Variants in DLGAP1 observed in about 807,000 individuals in gnomAD.
DLGAP1 encodes the protein DLG associated protein 1.
In DLGAP1, 11 loss-of-function variants were observed where a neutral mutation model predicts 90.8. The ratio of observed to expected loss-of-function variants is 0.12; its 90% CI spans 0.08 to 0.20. The LOEUF (loss-of-function observed/expected upper bound fraction) is 0.20, where lower values mean the gene tolerates loss of function less well. DLGAP1 is among the 10% of genes least tolerant of loss of function. The pLI is 1.00. For synonymous variants in DLGAP1, 558 were observed against 540.7 expected (o/e 1.03, Z -0.44); for missense variants, 1,050 against 1,333.8 (o/e 0.79, Z 3.31).
intron 4 of DLGAP1, among the ~76,000 whole-genome samples, chr18:3,854,067 T>G (rs1427203429): frequency 6.6e-6 from 1 of 152,150 alleles, no homozygotes; most frequent in Non-Finnish European, 1.5e-5. Context: ...TCTTAGGTAT[T>G]TTACAAAATG....
At chr18:3,754,422 A>AT (rs559436338) in intron 5 of DLGAP1, among the ~76,000 whole-genome samples, 37 of 150,370 alleles carry the variant, frequency 2.5e-4, no homozygotes, top group Admixed American at 4.6e-4. Flanking sequence ...ATGTATTGAA[A>AT]TTTTTTTTTT....
chr18:4,451,464 T>G (rs1371701328), intron 1 of DLGAP1, among the ~76,000 whole-genome samples: 1 of 152,156 alleles, frequency 6.6e-6, no homozygotes, highest in Non-Finnish European at 1.5e-5. Context: ...CGGTTATCTG[T>G]GGGTGTCTAA....
At chr18:4,366,502 T>G (rs1409996620) in intron 1 of DLGAP1, among the ~76,000 whole-genome samples, 2 of 152,108 alleles carry the variant, frequency 1.3e-5, no homozygotes, top group Admixed American at 1.3e-4. Context: ...TATCATGATC[T>G]GTGGCCTTCC....
At chr18:4,410,077 G>T (rs768515963) in intron 1 of DLGAP1, among the ~76,000 whole-genome samples, 39 of 152,206 alleles carry the variant, frequency 2.6e-4, no homozygotes, top group Non-Finnish European at 4.1e-4. Context: ...AACATGGTAT[G>T]TTCTCACTGA....
intron 1 of DLGAP1, among the ~76,000 whole-genome samples, chr18:4,343,121 C>G (rs2143874244): frequency 6.6e-6 from 1 of 151,948 alleles, no homozygotes; most frequent in Non-Finnish European, 1.5e-5. Flanking sequence ...TCCTGTCTAA[C>G]ATGGTGAAAC....
intron 3 of DLGAP1, among the ~76,000 whole-genome samples, chr18:3,936,640 A>C (rs143753299): frequency 6.6e-6 from 1 of 152,364 alleles, no homozygotes; most frequent in African/African-American, 2.4e-5. Context: ...TGATTGATTC[A>C]TCACCTTTGC....
At chr18:4,112,933 A>G (rs889358338) in intron 2 of DLGAP1, among the ~76,000 whole-genome samples, 1 of 148,602 alleles carries the variant, frequency 6.7e-6, no homozygotes, top group African/African-American at 2.5e-5. Context: ...TGCAAAGGAC[A>G]TGATTTTATT....
chr18:4,217,031 A>G (rs747831159), intron 1 of DLGAP1, among the ~76,000 whole-genome samples: 5 of 152,042 alleles, frequency 3.3e-5, no homozygotes, highest in Non-Finnish European at 7.4e-5. Context: ...TGTTCCATAT[A>G]TCCGTCCGTC....
At chr18:4,133,436 A>C (rs1008796073) in intron 2 of DLGAP1, among the ~76,000 whole-genome samples, 3 of 152,168 alleles carry the variant, frequency 2.0e-5, no homozygotes, top group Non-Finnish European at 4.4e-5. Flanking sequence ...GCCTTGAATA[A>C]ATGTTGGTCC....
chr18:4,369,780 T>C (rs2081872206), intron 1 of DLGAP1, among the ~76,000 whole-genome samples: 1 of 113,692 alleles, frequency 8.8e-6, no homozygotes, highest in Non-Finnish European at 1.7e-5. Flanking sequence ...CAAAACCTAG[T>C]ATAAATCTTA....
chr18:3,836,528 G>A (rs931038098), intron 4 of DLGAP1, among the ~76,000 whole-genome samples: 17 of 152,128 alleles, frequency 1.1e-4, no homozygotes, highest in African/African-American at 4.1e-4. Context: ...TGTCACACAC[G>A]TCGCAGGTGG....
chr18:4,346,616 C>T (rs1442681118), intron 1 of DLGAP1, among the ~76,000 whole-genome samples: 6 of 152,114 alleles, frequency 3.9e-5, no homozygotes. Flanking sequence ...AACAAGGAAA[C>T]AGTGGATTTG....
chr18:3,939,389 C>G (rs1479175042), intron 3 of DLGAP1, among the ~76,000 whole-genome samples: 1 of 143,842 alleles, frequency 7.0e-6, no homozygotes, highest in African/African-American at 2.6e-5. Context: ...TGCATTCCAG[C>G]CTGGGTGACA....
chr18:3,580,180 T>A, intron 8 of DLGAP1: 2 of 1,433,450 alleles, frequency 1.4e-6, no homozygotes, highest in Non-Finnish European at 2.0e-6. Flanking sequence ...GAAACCCTGA[T>A]TTGAGCCAGA....
intron 6 of DLGAP1, among the ~76,000 whole-genome samples, chr18:3,741,162 TCACCACCACATCACCACCACCACCACCAC>T (rs2062971937): frequency 3.0e-5 from 1 of 33,128 alleles, no homozygotes; most frequent in African/African-American, 1.4e-4. Flanking sequence ...ACCACCACCA[TCACCACCACATCACCACCACCACCACCAC>T]CACCACCAAA....
At chr18:4,041,267 T>C (rs1324861498) in intron 2 of DLGAP1, among the ~76,000 whole-genome samples, 1 of 152,222 alleles carries the variant, frequency 6.6e-6, no homozygotes, top group African/African-American at 2.4e-5. Flanking sequence ...TATGTCATCA[T>C]CATCATCATA....
In DLGAP1 at chr18:3,742,366, C is replaced by G; in HGVS notation, c.1319G>C (p.Ser440Thr). 1 of 1,614,088 alleles carries G rather than the reference C, an allele frequency of 6.2e-7. No homozygotes were observed. Among genetic ancestry groups the G allele is most frequent in the Non-Finnish European group, 8.5e-7 (1 of 1,179,986 alleles). The change falls in exon 6 of 13, where the codon AGC (serine) becomes ACC (threonine). Residue 440 changes from serine to threonine, a missense_variant. Ser to Thr is a moderately conservative substitution (Grantham distance 58). Coordinates refer to ENST00000315677, the MANE Select transcript of DLGAP1 (RefSeq NM_004746.4). ...TSPKFRSRNE[S>T]YMRAMSTISQ... is the part of the protein sequence containing the mutation. ...GATGGTGCTCATGGCTCGCATGTAG[C>G]TCTCATTCCTGGAGCGGAACTTTGG... is the stretch of plus-strand genomic sequence containing the variant.
At chr18:4,412,359 C>A (rs1768681891) in intron 1 of DLGAP1, among the ~76,000 whole-genome samples, 1 of 152,186 alleles carries the variant, frequency 6.6e-6, no homozygotes, top group Non-Finnish European at 1.5e-5. Flanking sequence ...AAACATGATG[C>A]AGAGGGCTCT....
intron 5 of DLGAP1, among the ~76,000 whole-genome samples, chr18:3,800,667 A>C (rs2066246271): frequency 6.6e-6 from 1 of 152,026 alleles, no homozygotes; most frequent in Admixed American, 6.6e-5. Context: ...GGGGAGGGGG[A>C]CTTTAACACA....
Sources: gnomAD v4.1 joint callset for allele counts (sites outside exome capture counted in the v4.1 genomes callset) on GRCh38, gnomAD v4.1.1 for gene constraint, MANE v1.5 for transcripts, NCBI Gene and HGNC (gene_info 2026-07-23, HGNC 2026-07-21) for gene names.